The following REEP5 variants were observed in gnomAD, a reference collection of about 807,000 sequenced individuals.
REEP5 encodes receptor accessory protein 5.
In REEP5, 24 loss-of-function variants were observed where a neutral mutation model predicts 22.4. The ratio of observed to expected loss-of-function variants is 1.07; its 90% CI spans 0.78 to 1.51. The LOEUF (loss-of-function observed/expected upper bound fraction) is 1.51, where lower values mean the gene tolerates loss of function less well. REEP5 is among the 40% of genes most tolerant of loss of function. The pLI is 0.00. For missense variants in REEP5, 252 were observed against 233.0 expected (o/e 1.08, Z -0.53); for synonymous variants, 103 against 88.6 (o/e 1.16, Z -0.92).
At chr5:112,914,889 A>G (rs1306217316) in intron 2 of REEP5, among the ~76,000 whole-genome samples, 1 of 152,232 alleles carries the variant, frequency 6.6e-6, no homozygotes, top group Non-Finnish European at 1.5e-5. Flanking sequence ...AAGTCAGGGT[A>G]CGTTTCTACA....
chr5:112,885,622 TC>T (rs894916584), intron 4 of REEP5: 6 of 285,786 alleles, frequency 2.1e-5, no homozygotes, highest in African/African-American at 1.1e-4. Context: ...CAAATGTCCT[TC>T]CCCAGGGTCT....
chr5:112,876,446 G>A lies in REEP5; in HGVS notation c.*2340C>T, dbSNP rs1348403636. The A allele has an allele frequency of 1.3e-5, 2 of 152,156 alleles. No individual in the cohort carries two copies. The highest frequency in any genetic ancestry group is 2.9e-5 in the Non-Finnish European group (2 of 68,032). The allele number at this position is 152,156 out of a possible 1,614,324, so 9.4% of individuals were successfully genotyped here. A position where few individuals can be genotyped will look rare whatever the true frequency, so the allele number is the denominator to read the frequency against. ...TTCCATTCAGTGTATCACATCTTCAGGATAGGTGATAACAGTGTGAAGGGT... is the reference window on the plus strand; with the variant it reads ...TTCCATTCAGTGTATCACATCTTCAAGATAGGTGATAACAGTGTGAAGGGT... On this transcript the variant is annotated 3_prime_UTR_variant, in exon 5 of 5. Transcript: ENST00000379638.
intron 2 of REEP5, among the ~76,000 whole-genome samples, chr5:112,918,980 A>G (rs1769289494): frequency 6.6e-6 from 1 of 152,216 alleles, no homozygotes; most frequent in African/African-American, 2.4e-5. Flanking sequence ...TTCAACAAGG[A>G]CAGAGAGTAT....
At position 112,892,463 on chromosome 5, in the gene REEP5, T is replaced by C. The variant is rs765867841; in HGVS notation, c.352-5280A>G. On this transcript the variant is annotated intron_variant, in intron 3 of 4. Transcript: ENST00000379638. ...TTGGAACCTCACCTGAGGGGCAATG[T>C]ATATGTTCAGTACCAGTCGGAAGAA... 9.9e-6 allele frequency: 16 copies of C among 1,614,124 alleles called. 1 individual carries two copies. In the South Asian group the frequency reaches 1.8e-4, roughly 18 times the overall value.
At chr5:112,905,556 C>CA (rs111300443) in intron 2 of REEP5, among the ~76,000 whole-genome samples, 4,838 of 143,146 alleles carry the variant, frequency 0.034, 119 homozygotes, top group Non-Finnish European at 0.053. Context: ...AAAAACAAAA[C>CA]AAAAAAAAAA....
chr5:112,888,173 G>A (rs57721139), intron 3 of REEP5, among the ~76,000 whole-genome samples: 63,112 of 149,916 alleles, frequency 0.42, 14,423 homozygotes, highest in African/African-American at 0.64. Context: ...TTAAATTTAA[G>A]TCTTAGTCCT....
intron 3 of REEP5, among the ~76,000 whole-genome samples, chr5:112,898,711 A>G (rs1768769038): frequency 6.6e-6 from 1 of 152,254 alleles, no homozygotes; most frequent in Non-Finnish European, 1.5e-5. Flanking sequence ...GGTCCCTACG[A>G]TTAGATGGAT....
intron 2 of REEP5, among the ~76,000 whole-genome samples, chr5:112,906,864 T>C (rs1349937740): frequency 6.6e-6 from 1 of 152,210 alleles, no homozygotes; most frequent in Non-Finnish European, 1.5e-5. Context: ...GAAATCCAAA[T>C]GGCCAGTTTG....
intron 2 of REEP5, among the ~76,000 whole-genome samples, chr5:112,912,455 A>C (rs559541615): frequency 1.1e-4 from 16 of 152,218 alleles, no homozygotes; most frequent in Admixed American, 9.8e-4. Context: ...ATATCCATTT[A>C]TACCCATATA....
intron 2 of REEP5, among the ~76,000 whole-genome samples, chr5:112,906,658 T>A (rs74735756): frequency 0.052 from 7,969 of 152,248 alleles, 521 homozygotes; most frequent in East Asian, 0.16. Context: ...CCTAGTCCAC[T>A]GGTCCTCAAA....
chr5:112,916,231 A>G (rs1769229753), intron 2 of REEP5, among the ~76,000 whole-genome samples: 1 of 152,216 alleles, frequency 6.6e-6, no homozygotes, highest in Non-Finnish European at 1.5e-5. Context: ...ACTGTGTTAC[A>G]ACTCTTGTAG....
intron 2 of REEP5, among the ~76,000 whole-genome samples, chr5:112,908,531 A>C (rs1027351538): frequency 6.7e-6 from 1 of 150,270 alleles, no homozygotes; most frequent in Non-Finnish European, 1.5e-5. Flanking sequence ...AACAGCTAAT[A>C]ATTTTTTTTT....
intron 2 of REEP5, among the ~76,000 whole-genome samples, chr5:112,919,808 T>C (rs1561661745): frequency 6.6e-6 from 1 of 152,190 alleles, no homozygotes; most frequent in Non-Finnish European, 1.5e-5. Flanking sequence ...TTATCCAGTC[T>C]AAGGTATTTT....
At chr5:112,892,884 C>A (rs764724884) in intron 3 of REEP5, 1 of 1,612,340 alleles carries the variant, frequency 6.2e-7, no homozygotes, top group South Asian at 1.1e-5. Context: ...CTCACAAACG[C>A]ACATCAAAGA....
At chr5:112,880,708 T>C (rs188480457) in intron 4 of REEP5, among the ~76,000 whole-genome samples, 2 of 152,330 alleles carry the variant, frequency 1.3e-5, no homozygotes, top group Non-Finnish European at 2.9e-5. Context: ...AAGATTGGAT[T>C]TTAAGTATTG....
At position 112,901,888 on chromosome 5, in the gene REEP5, G is replaced by T. The variant is rs1331440811; in HGVS notation, c.351+492C>A. ...TGAGGCAGGAGAATTGCTTGAACCT[G>T]GGGGGTGGAGGTTGCAGTGAGCCAA... On this transcript the variant is annotated intron_variant, in intron 3 of 4. Coordinates refer to ENST00000379638, the MANE Select transcript of REEP5 (RefSeq NM_005669.5). Among the ~76,000 whole-genome samples the T allele has an allele frequency of 2.0e-5, 3 of 150,458 alleles. No homozygotes were observed. In the East Asian group the frequency reaches 5.9e-4, roughly 29 times the overall value.
In REEP5 at chr5:112,908,086, C is replaced by CTTTGTT. The variant is rs1561657600; in HGVS notation, c.213-5569_213-5568insAACAAA. Among the ~76,000 whole-genome samples, 6 of 76,750 alleles carry CTTTGTT rather than the reference C, an allele frequency of 7.8e-5. 1 individual carries two copies. The highest frequency in any genetic ancestry group is 5.3e-5 in the Non-Finnish European group (2 of 37,946). The allele number at this position is 76,750 out of a possible 152,430, so 50.4% of individuals were successfully genotyped here. A position where few individuals can be genotyped will look rare whatever the true frequency, so the allele number is the denominator to read the frequency against. On this transcript the variant is annotated intron_variant, in intron 2 of 4. Coordinates refer to ENST00000379638, the MANE Select transcript of REEP5 (RefSeq NM_005669.5). Reference sequence around the variant, plus strand: ...TTTGGAAAAGAATGAGCATCAGAGACTTTCTTTGTTTTTTGTTTTTTTTTT... The same window carrying CTTTGTT: ...TTTGGAAAAGAATGAGCATCAGAGACTTTGTTTTTCTTTGTTTTTTGTTTTTTTTTT...
At chr5:112,919,586 A>G (rs1310772674) in intron 2 of REEP5, among the ~76,000 whole-genome samples, 1 of 152,146 alleles carries the variant, frequency 6.6e-6, no homozygotes, top group Non-Finnish European at 1.5e-5. Context: ...AGAAACAGGC[A>G]TGAGAGCTCT....
chr5:112,899,004 ACACT>A (rs1475252650), intron 3 of REEP5, among the ~76,000 whole-genome samples: 2 of 152,312 alleles, frequency 1.3e-5, no homozygotes, highest in Non-Finnish European at 2.9e-5. Context: ...ACTTTAAAAG[ACACT>A]CACTTCATAT....
Sources: gnomAD v4.1 joint callset for allele counts (sites outside exome capture counted in the v4.1 genomes callset) on GRCh38, gnomAD v4.1.1 for gene constraint, MANE v1.5 for transcripts, NCBI Gene and HGNC (gene_info 2026-07-23, HGNC 2026-07-21) for gene names.